SSH2: variants seen among roughly 807,000 people sequenced by gnomAD.
SSH2 encodes slingshot protein phosphatase 2.
A neutral mutation model predicts 135.2 loss-of-function variants in SSH2; 37 were observed. The ratio of observed to expected loss-of-function variants is 0.27; its 90% CI spans 0.21 to 0.36. The LOEUF (loss-of-function observed/expected upper bound fraction) is 0.36, where lower values mean the gene tolerates loss of function less well. Ranked by LOEUF, SSH2 falls within the 10% of genes least tolerant of loss-of-function variation. The probability of loss-of-function intolerance (pLI) is 1.00; values close to 1 mark genes in which losing one functional copy is unlikely to be tolerated. For synonymous variants in SSH2, 628 were observed against 646.2 expected (o/e 0.97, Z 0.43); for missense variants, 1,408 against 1,765.3 (o/e 0.80, Z 3.63).
chr17:29,829,516 G>A (rs1362142701), intron 2 of SSH2, among the ~76,000 whole-genome samples: 3 of 152,094 alleles, frequency 2.0e-5, no homozygotes, highest in Non-Finnish European at 4.4e-5. Context: ...AGAGGAGAGA[G>A]GGAAGAAGGG....
intron 2 of SSH2, among the ~76,000 whole-genome samples, chr17:29,801,832 A>C (rs2151314442): frequency 6.6e-6 from 1 of 152,322 alleles, no homozygotes; most frequent in East Asian, 1.9e-4. Flanking sequence ...GAATGCTTGA[A>C]GCTAACTAGC....
At position 29,696,335 on chromosome 17, in the gene SSH2, CAT is replaced by C. The variant is rs766220686; in HGVS notation, c.293-814_293-813del. The stretch of plus-strand genomic sequence containing the variant: ...ATATAAATATACATACATATATACA[CAT>C]ATGTGTGTATATATATACTCTCATA... On this transcript the variant is annotated intron_variant, in intron 4 of 15. Transcript: ENST00000540801. Among the ~76,000 whole-genome samples, 331 of 148,064 alleles carry C rather than the reference CAT, an allele frequency of 2.2e-3. 2 individuals carry two copies. Among genetic ancestry groups the C allele is most frequent in the Non-Finnish European group, 2.3e-3 (154 of 67,296 alleles).
intron 9 of SSH2, among the ~76,000 whole-genome samples, chr17:29,669,419 C>T (rs917942660): frequency 1.3e-5 from 2 of 152,128 alleles, no homozygotes; most frequent in African/African-American, 4.8e-5. Flanking sequence ...TTATTCACAG[C>T]AGAGTATTTC....
chr17:29,658,006 T>A (rs895181364), intron 11 of SSH2, among the ~76,000 whole-genome samples: 1 of 134,684 alleles, frequency 7.4e-6, no homozygotes, highest in Non-Finnish European at 1.6e-5. Flanking sequence ...ACAATCTGTA[T>A]TTTTTTTTTT....
At chr17:29,704,600 G>A (rs188111077) in intron 3 of SSH2, among the ~76,000 whole-genome samples, 7 of 151,744 alleles carry the variant, frequency 4.6e-5, no homozygotes, top group African/African-American at 1.7e-4. Context: ...CTATTCAGGA[G>A]GGTGAGGTGG....
intron 3 of SSH2, among the ~76,000 whole-genome samples, chr17:29,741,373 G>A (rs746940601): frequency 1.9e-4 from 29 of 152,144 alleles, no homozygotes; most frequent in Non-Finnish European, 3.5e-4. Context: ...TAGGGACATG[G>A]GCAAAGATTG....
At chr17:29,829,665 T>C (rs1007957722) in intron 2 of SSH2, among the ~76,000 whole-genome samples, 8 of 152,082 alleles carry the variant, frequency 5.3e-5, no homozygotes, top group African/African-American at 1.9e-4. Context: ...ATGTACAGAG[T>C]ACCTCCTATG....
intron 1 of SSH2, among the ~76,000 whole-genome samples, chr17:29,904,889 C>T (rs1349122919): frequency 6.6e-6 from 1 of 152,014 alleles, no homozygotes; most frequent in Non-Finnish European, 1.5e-5. Context: ...TGAATGAACT[C>T]CCATTCACAA....
chr17:29,914,738 G>C lies in SSH2; in HGVS notation c.63+15200C>G, dbSNP rs2066852380. On this transcript the variant is annotated intron_variant, in intron 1 of 15. Coordinates refer to ENST00000540801, the MANE Select transcript of SSH2 (RefSeq NM_001282129.2). The stretch of plus-strand genomic sequence containing the variant: ...AGTTCATTGCATCTCTATCTAAAAA[G>C]AATTTTAATAGCTTTAATGGTAGCT... 3.3e-5 allele frequency among the ~76,000 whole-genome samples: 5 copies of C among 152,060 alleles called. No homozygotes were observed. In the South Asian group the frequency reaches 1.0e-3, roughly 32 times the overall value.
At chr17:29,916,211 G>C (rs909499698) in intron 1 of SSH2, among the ~76,000 whole-genome samples, 2 of 152,004 alleles carry the variant, frequency 1.3e-5, no homozygotes, top group Non-Finnish European at 1.5e-5. Context: ...TTATAAAAAT[G>C]ACTAATACTT....
chr17:29,816,701 A>T (rs1295495417), intron 2 of SSH2, among the ~76,000 whole-genome samples: 1 of 151,468 alleles, frequency 6.6e-6, no homozygotes, highest in Non-Finnish European at 1.5e-5. Context: ...CTGCACTTAA[A>T]AAAAAAAAAA....
At chr17:29,761,251 C>T (rs1437395927) in intron 3 of SSH2, 9 of 1,289,330 alleles carry the variant, frequency 7.0e-6, no homozygotes, top group Non-Finnish European at 8.1e-6. Context: ...GCGCCTTCCT[C>T]TTGCGGGCCA....
chr17:29,869,225 T>C (rs2065902915), intron 1 of SSH2, among the ~76,000 whole-genome samples: 1 of 152,168 alleles, frequency 6.6e-6, no homozygotes, highest in African/African-American at 2.4e-5. Flanking sequence ...TTGGGAGGTG[T>C]CATGAGAACC....
At chr17:29,645,139 A>T (rs1444659620) in intron 14 of SSH2, 1 of 152,216 alleles carries the variant, frequency 6.6e-6, no homozygotes, top group Non-Finnish European at 1.5e-5. Context: ...ACTCTCAACA[A>T]TACGTAATAA....
intron 14 of SSH2, chr17:29,642,984 C>T (rs1308203706): frequency 1.6e-5 from 6 of 366,186 alleles, no homozygotes; most frequent in Non-Finnish European, 2.3e-5. Flanking sequence ...TTTGAGAAAA[C>T]CACCACAGGC....
At chr17:29,870,637 G>A (rs1031347881) in intron 1 of SSH2, among the ~76,000 whole-genome samples, 5 of 152,152 alleles carry the variant, frequency 3.3e-5, no homozygotes, top group Non-Finnish European at 5.9e-5. Context: ...ATGTGAGTGA[G>A]GATACTGACA....
intron 3 of SSH2, among the ~76,000 whole-genome samples, chr17:29,787,177 C>T (rs1170992584): frequency 1.3e-5 from 2 of 152,184 alleles, no homozygotes; most frequent in Non-Finnish European, 2.9e-5. Context: ...ATTATTCTGT[C>T]CGCATGAATT....
At chr17:29,742,288 A>AC (rs1036676414) in intron 3 of SSH2, among the ~76,000 whole-genome samples, 75 of 151,060 alleles carry the variant, frequency 5.0e-4, no homozygotes, top group African/African-American at 1.8e-3. Context: ...AAACAAACAA[A>AC]AAAAAAATCA....
intron 9 of SSH2, among the ~76,000 whole-genome samples, chr17:29,668,064 TCTC>T (rs1216960189): frequency 6.6e-6 from 1 of 152,186 alleles, no homozygotes; most frequent in African/African-American, 2.4e-5. Flanking sequence ...CTTTGTTTCA[TCTC>T]CTCCCCAACT....
Sources: gnomAD v4.1 joint callset for allele counts (sites outside exome capture counted in the v4.1 genomes callset) on GRCh38, gnomAD v4.1.1 for gene constraint, MANE v1.5 for transcripts, NCBI Gene and HGNC (gene_info 2026-07-23, HGNC 2026-07-21) for gene names.